Variants in AP3B1 observed in about 807,000 individuals in gnomAD.
The protein encoded by AP3B1 is AP-3 complex subunit beta-1.
In AP3B1, 61 loss-of-function variants were observed where a neutral mutation model predicts 132.5. The ratio of observed to expected loss-of-function variants is 0.46; its 90% CI spans 0.37 to 0.57. The LOEUF (loss-of-function observed/expected upper bound fraction) is 0.57, where lower values mean the gene tolerates loss of function less well. Among genes scored for constraint, AP3B1 ranks in the 20% least tolerant of loss-of-function variants. AP3B1 has a pLI of 0.00. For synonymous variants in AP3B1, 388 were observed against 438.3 expected (o/e 0.89, Z 1.43); for missense variants, 1,120 against 1,289.4 (o/e 0.87, Z 2.01).
At chr5:78,075,056 C>T (rs1343564442) in intron 22 of AP3B1, among the ~76,000 whole-genome samples, 6 of 152,142 alleles carry the variant, frequency 3.9e-5, no homozygotes, top group Admixed American at 1.3e-4. Context: ...TCAACAAAGA[C>T]GTCCCTCAAA....
At chr5:78,258,203 G>A (rs1040230331) in intron 2 of AP3B1, among the ~76,000 whole-genome samples, 1 of 152,168 alleles carries the variant, frequency 6.6e-6, no homozygotes, top group Non-Finnish European at 1.5e-5. Flanking sequence ...CAAAGGACAC[G>A]ATCAACAAAG....
chr5:78,278,415 C>T lies in AP3B1; in HGVS notation c.129-10820G>A, dbSNP rs1476028469. ...GAGATCGAGACCATCCCGGCTAAAACGGTGAAACCCCGTCTCTACTAAAAA... is the reference window on the plus strand; with the variant it reads ...GAGATCGAGACCATCCCGGCTAAAATGGTGAAACCCCGTCTCTACTAAAAA... On this transcript the variant is annotated intron_variant, in intron 1 of 26. Coordinates refer to ENST00000255194, the MANE Select transcript of AP3B1 (RefSeq NM_003664.5). Among the ~76,000 whole-genome samples the T allele has an allele frequency of 3.3e-5, 3 of 91,960 alleles. 1 individual carries two copies. Among genetic ancestry groups the T allele is most frequent in the Admixed American group, 2.0e-4 (2 of 10,148 alleles). The allele number at this position is 91,960 out of a possible 152,430, so 60.3% of individuals were successfully genotyped here.
At chr5:78,145,425 T>G (rs1227756446) in intron 14 of AP3B1, among the ~76,000 whole-genome samples, 2 of 152,108 alleles carry the variant, frequency 1.3e-5, no homozygotes, top group African/African-American at 2.4e-5. Flanking sequence ...CTTGCCCACA[T>G]CTCACAGCTG....
intron 2 of AP3B1, among the ~76,000 whole-genome samples, chr5:78,261,646 A>G (rs1748097288): frequency 6.6e-6 from 1 of 151,988 alleles, no homozygotes; most frequent in South Asian, 2.1e-4. Flanking sequence ...TTGTATTTTT[A>G]GAAGAGACGA....
Position 78,140,073 on chromosome 5 carries a change from C to A in AP3B1, c.1650+1070G>T, listed in dbSNP as rs537488954. ...GCTGCAAATGAGCAAGAATCTTTTT[C>A]CAATTTACTAAACAGGTAAGTCCAC... On this transcript the variant is annotated intron_variant, in intron 15 of 26. Transcript: ENST00000255194. Among the ~76,000 whole-genome samples, 3 of 152,220 alleles carry A rather than the reference C, an allele frequency of 2.0e-5. No individual in the cohort carries two copies. In the South Asian group the frequency reaches 6.2e-4, roughly 32 times the overall value.
At chr5:78,163,523 C>T (rs1003242051) in intron 12 of AP3B1, among the ~76,000 whole-genome samples, 1 of 151,202 alleles carries the variant, frequency 6.6e-6, no homozygotes, top group African/African-American at 2.4e-5. Flanking sequence ...AAATACCATA[C>T]TTTTGAAATA....
At chr5:78,099,115 G>GA (rs1408186682) in intron 21 of AP3B1, among the ~76,000 whole-genome samples, 6 of 152,162 alleles carry the variant, frequency 3.9e-5, no homozygotes, top group African/African-American at 1.4e-4. Context: ...GTCACATGAG[G>GA]AAACAGAAGT....
chr5:78,058,744 C>T (rs764477936), intron 22 of AP3B1, among the ~76,000 whole-genome samples: 1 of 152,196 alleles, frequency 6.6e-6, no homozygotes, highest in Admixed American at 6.5e-5. Flanking sequence ...TACAGCAGGG[C>T]TGCATCTGAA....
intron 11 of AP3B1, among the ~76,000 whole-genome samples, chr5:78,172,378 A>G (rs1743954788): frequency 6.6e-6 from 1 of 151,972 alleles, no homozygotes; most frequent in East Asian, 1.9e-4. Flanking sequence ...CCTGGACTTT[A>G]TTGGTTGGTA....
Position 78,082,838 on chromosome 5 carries a change from G to A in AP3B1, c.2577+6555C>T, listed in dbSNP as rs149775226. Among the ~76,000 whole-genome samples the A allele has an allele frequency of 1.1e-3, 165 of 151,088 alleles. 2 individuals carry two copies. Among genetic ancestry groups the A allele is most frequent in the African/African-American group, 3.8e-3 (157 of 41,178 alleles). On this transcript the variant is annotated intron_variant, in intron 22 of 26. Transcript: ENST00000255194. ...TGGGAACCCTTTTTTTTTTTTAGAC[G>A]GAGTTTCGCTCTTGTTGCTCAAGCT...
chr5:78,119,024 G>A (rs999574356), intron 17 of AP3B1, among the ~76,000 whole-genome samples: 3 of 152,250 alleles, frequency 2.0e-5, no homozygotes, highest in East Asian at 1.9e-4. Context: ...ACCAATATCC[G>A]CTGTTCTATA....
chr5:78,016,141 G>A (rs1746845994), intron 25 of AP3B1, among the ~76,000 whole-genome samples: 1 of 152,032 alleles, frequency 6.6e-6, no homozygotes, highest in Non-Finnish European at 1.5e-5. Flanking sequence ...AATGGAAAGT[G>A]TTTTGCTGAC....
intron 14 of AP3B1, among the ~76,000 whole-genome samples, chr5:78,143,280 T>C (rs1360316742): frequency 6.6e-6 from 1 of 152,076 alleles, no homozygotes; most frequent in African/African-American, 2.4e-5. Flanking sequence ...AATTAAAATA[T>C]TGGAATACTG....
intron 26 of AP3B1, among the ~76,000 whole-genome samples, chr5:78,012,763 T>C (rs1292753220): frequency 6.6e-6 from 1 of 152,162 alleles, no homozygotes; most frequent in Non-Finnish European, 1.5e-5. Flanking sequence ...ACCACGAACA[T>C]TAAGTTTTGG....
intron 3 of AP3B1, among the ~76,000 whole-genome samples, chr5:78,230,494 A>T (rs1746599869): frequency 6.6e-6 from 1 of 152,230 alleles, no homozygotes. Flanking sequence ...GAATGGCTCC[A>T]CAAAACCTTA....
intron 7 of AP3B1, among the ~76,000 whole-genome samples, chr5:78,195,727 G>A (rs975360435): frequency 2.0e-5 from 3 of 152,124 alleles, no homozygotes; most frequent in African/African-American, 7.2e-5. Flanking sequence ...GGCTGAGGCA[G>A]GAGAATTGCT....
chr5:78,046,690 T>A (rs138861243), intron 22 of AP3B1, among the ~76,000 whole-genome samples: 1 of 149,500 alleles, frequency 6.7e-6, no homozygotes, highest in South Asian at 2.1e-4. Context: ...AGTCCCCTTA[T>A]AAAAGCCTAG....
intron 7 of AP3B1, among the ~76,000 whole-genome samples, chr5:78,195,558 G>A (rs561243135): frequency 2.0e-5 from 3 of 152,286 alleles, no homozygotes; most frequent in African/African-American, 4.8e-5. Flanking sequence ...AGCGGCTCAC[G>A]CCTGTAATCC....
intron 1 of AP3B1, among the ~76,000 whole-genome samples, chr5:78,292,216 A>T (rs1749554254): frequency 6.6e-6 from 1 of 152,184 alleles, no homozygotes; most frequent in South Asian, 2.1e-4. Flanking sequence ...TTAAAAGGCA[A>T]GTAATATTAC....
Sources: allele counts gnomAD v4.1 joint callset (sites outside exome capture counted in the v4.1 genomes callset), GRCh38; gene constraint gnomAD v4.1.1; transcripts MANE v1.5; gene names NCBI Gene and HGNC (gene_info 2026-07-23, HGNC 2026-07-21).